Variants in RANBP2 observed in about 807,000 individuals in gnomAD.
The protein encoded by RANBP2 is RAN binding protein 2.
A neutral mutation model predicts 303.6 loss-of-function variants in RANBP2; 57 were observed. The observed-to-expected ratio is 0.19, with a 90% CI of 0.15 to 0.23. RANBP2 has a LOEUF of 0.23. Among genes scored for constraint, RANBP2 ranks in the 10% least tolerant of loss-of-function variants. The pLI, the probability that RANBP2 is intolerant of heterozygous loss-of-function variation, is 1.00. For missense variants in RANBP2, 3,138 were observed against 3,780.8 expected (o/e 0.83, Z 4.46); for synonymous variants, 1,167 against 1,301.5 (o/e 0.90, Z 2.23).
the RANBP2 span, among the ~76,000 whole-genome samples, chr2:109,569,386 G>A: frequency 1.3e-5 from 2 of 149,880 alleles, no homozygotes; most frequent in South Asian, 2.1e-4. Flanking sequence ...AGCCGAGATC[G>A]CGTCATTGCA....
chr2:109,112,257 A>G, the RANBP2 span, among the ~76,000 whole-genome samples: 4 of 152,114 alleles, frequency 2.6e-5, no homozygotes, highest in Non-Finnish European at 5.9e-5. Context: ...CCACAGTGTA[A>G]AAGTGTTCCT....
chr2:109,041,599 T>A, the RANBP2 span, among the ~76,000 whole-genome samples: 1 of 150,428 alleles, frequency 6.6e-6, no homozygotes, highest in East Asian at 2.0e-4. Flanking sequence ...CTTGGCTCAC[T>A]GCAACCTTTG....
the RANBP2 span, among the ~76,000 whole-genome samples, chr2:109,275,893 G>A: frequency 3.3e-5 from 5 of 152,186 alleles, no homozygotes; most frequent in African/African-American, 4.8e-5. Context: ...TAGGTTTATG[G>A]AGAGGAAAAT....
At chr2:108,723,077 TGTTGCCCAG>T (rs1694402745) in intron 1 of RANBP2, among the ~76,000 whole-genome samples, 1 of 152,128 alleles carries the variant, frequency 6.6e-6, no homozygotes, top group South Asian at 2.1e-4. Context: ...GGTCTTGCTG[TGTTGCCCAG>T]GCTGCCATCA....
At chr2:108,910,885 T>C in the RANBP2 span, 1 of 1,614,002 alleles carries the variant, frequency 6.2e-7, no homozygotes, top group South Asian at 1.1e-5. Context: ...AGCCAGGCTC[T>C]CCGACAGGGG....
chr2:109,682,090 G>A, the RANBP2 span, among the ~76,000 whole-genome samples: 5 of 152,304 alleles, frequency 3.3e-5, no homozygotes, highest in South Asian at 4.1e-4. Context: ...CTCATGCAAG[G>A]GGATGTTCTT....
chr2:109,197,331 G>A, the RANBP2 span, among the ~76,000 whole-genome samples: 1 of 151,994 alleles, frequency 6.6e-6, no homozygotes, highest in African/African-American at 2.4e-5. Context: ...ACACAGGAGG[G>A]GTTAAGAAGG....
chr2:109,155,425 C>CCCGA, the RANBP2 span, among the ~76,000 whole-genome samples: 1 of 152,178 alleles, frequency 6.6e-6, no homozygotes, highest in Admixed American at 6.5e-5. Context: ...GCCTCGGCCT[C>CCCGA]CCGAGTAGCT....
At chr2:109,777,220 G>A in the RANBP2 span, among the ~76,000 whole-genome samples, 2 of 145,452 alleles carry the variant, frequency 1.4e-5, no homozygotes, top group Non-Finnish European at 3.0e-5. Flanking sequence ...GTTTCCTTCT[G>A]TTCCTAGTTT....
the RANBP2 span, among the ~76,000 whole-genome samples, chr2:109,711,798 A>G: frequency 1.3e-4 from 19 of 151,642 alleles, no homozygotes; most frequent in Non-Finnish European, 2.1e-4. Context: ...GTCTCGGTCT[A>G]TTTTCTCTTC....
At chr2:109,021,748 G>A in the RANBP2 span, among the ~76,000 whole-genome samples, 4 of 152,036 alleles carry the variant, frequency 2.6e-5, no homozygotes, top group African/African-American at 9.7e-5. Context: ...GGGTGTGGAG[G>A]GAGCTGTGAA....
chr2:109,422,459 T>C, the RANBP2 span, among the ~76,000 whole-genome samples: 4 of 152,186 alleles, frequency 2.6e-5, no homozygotes, highest in Non-Finnish European at 2.9e-5. Flanking sequence ...TCTTCCAGCA[T>C]GTGAAAGGCT....
rs1468604336 is a variant in RANBP2 at position 108,766,147 on chromosome 2, C to T, written c.5608C>T (p.Pro1870Ser). 1.2e-6 allele frequency: 2 copies of T among 1,613,288 alleles called. No homozygotes were observed. ...KFGHVDQENS[P>S]SFMFQGSSNT... is the part of the protein sequence containing the mutation. ...TGGGCATGTGGATCAAGAAAATTCA[C>T]CTTCATTTATGTTTCAGGGTTCTTC... The change falls in exon 20 of 29, where the codon CCT becomes TCT. Residue 1870 changes from proline (P) to serine (S), a missense_variant. Around this residue, in one of 20 missense-constraint regions of RANBP2, gnomAD observed 348 missense variants for 360.4 expected, o/e 0.97. Transcript: ENST00000283195.
chr2:109,532,637 G>A, the RANBP2 span, among the ~76,000 whole-genome samples: 5 of 152,126 alleles, frequency 3.3e-5, no homozygotes, highest in African/African-American at 1.2e-4. Context: ...GTATGATGGG[G>A]ACACATCAGA....
the RANBP2 span, among the ~76,000 whole-genome samples, chr2:109,287,700 C>T: frequency 6.6e-6 from 1 of 152,188 alleles, no homozygotes; most frequent in Non-Finnish European, 1.5e-5. Flanking sequence ...TCAGAGGCCT[C>T]AGATCTCATC....
At chr2:109,062,857 G>T in the RANBP2 span, among the ~76,000 whole-genome samples, 2 of 151,746 alleles carry the variant, frequency 1.3e-5, no homozygotes, top group Non-Finnish European at 2.9e-5. Context: ...CCCTGGGAGC[G>T]GGTGGAGGTG....
At chr2:109,560,237 T>A in the RANBP2 span, among the ~76,000 whole-genome samples, 2 of 152,208 alleles carry the variant, frequency 1.3e-5, no homozygotes, top group Admixed American at 6.5e-5. Flanking sequence ...CTGCCTTTTT[T>A]AACTGAACAC....
chr2:109,533,067 G>A, the RANBP2 span, among the ~76,000 whole-genome samples: 1 of 151,498 alleles, frequency 6.6e-6, no homozygotes, highest in Non-Finnish European at 1.5e-5. Flanking sequence ...GACACGTCAG[G>A]TGATGACCAA....
chr2:109,577,598 T>TAA, the RANBP2 span, among the ~76,000 whole-genome samples: 15 of 133,304 alleles, frequency 1.1e-4, no homozygotes, highest in Non-Finnish European at 2.2e-4. Flanking sequence ...CCTCAAAATT[T>TAA]AAAAAAAAAA....
Sources: allele counts gnomAD v4.1 joint callset (sites outside exome capture counted in the v4.1 genomes callset), GRCh38; gene constraint gnomAD v4.1.1; regional missense constraint gnomAD v4.1.1; transcripts MANE v1.5; gene names NCBI Gene and HGNC (gene_info 2026-07-23, HGNC 2026-07-21).